IL31RA: variants seen among roughly 807,000 people sequenced by gnomAD.
IL31RA encodes the protein interleukin-31 receptor subunit alpha.
In IL31RA, 66 loss-of-function variants were observed where a neutral mutation model predicts 83.7. The observed-to-expected ratio is 0.79, with a 90% CI of 0.65 to 0.97. IL31RA has a LOEUF of 0.97. Among genes scored for constraint, IL31RA ranks in the 50% least tolerant of loss-of-function variants. IL31RA has a pLI of 0.00. For missense variants in IL31RA, 798 were observed against 919.4 expected, an observed-to-expected ratio of 0.87 and a Z score of 1.71; for synonymous variants, 325 against 329.0, an observed-to-expected ratio of 0.99 and a Z score of 0.13.
Position 55,918,932 on chromosome 5 carries a change from C to G in IL31RA, c.*1812C>G, listed in dbSNP as rs1037267258. 2.6e-5 allele frequency among the ~76,000 whole-genome samples: 4 copies of G among 152,154 alleles called. No homozygotes were observed. Among genetic ancestry groups the G allele is most frequent in the Non-Finnish European group, 5.9e-5 (4 of 68,024 alleles). ...AGGGCAATGCCCCTGTCCCGTTGTC[C>G]TGCACTCAAGTCCAGGTGTAGGAAG... On this transcript the variant is annotated 3_prime_UTR_variant, in exon 15 of 15. Transcript: ENST00000652347.
At position 55,920,837 on chromosome 5, in the gene IL31RA, G is replaced by C. The variant is rs1289278925; in HGVS notation, c.*3717G>C. ...GTCCCCTTCCCATAGCTAAGGTCGA[G>C]AGTTGGTGGCTTACACCAGTGGTCT... is the stretch of plus-strand genomic sequence containing the variant. On this transcript the variant is annotated 3_prime_UTR_variant, in exon 15 of 15. Transcript: ENST00000652347. Among the ~76,000 whole-genome samples, 1 of 152,202 alleles carries C rather than the reference G, an allele frequency of 6.6e-6. No homozygotes were observed. The highest frequency in any genetic ancestry group is 1.5e-5 in the Non-Finnish European group (1 of 68,042).
intron 2 of IL31RA, among the ~76,000 whole-genome samples, chr5:55,867,186 TG>T (rs1348216839): frequency 3.3e-5 from 2 of 61,164 alleles, no homozygotes; most frequent in East Asian, 5.3e-4. Flanking sequence ...TGTGCATGTG[TG>T]TTTGTGTGTG....
intron 3 of IL31RA, among the ~76,000 whole-genome samples, chr5:55,871,042 C>G: frequency 6.6e-6 from 1 of 152,138 alleles, no homozygotes; most frequent in Non-Finnish European, 1.5e-5. Flanking sequence ...TTTAAAAGTG[C>G]CTTATGTGTA....
intron 3 of IL31RA, among the ~76,000 whole-genome samples, chr5:55,870,692 G>A (rs1167103900): frequency 6.6e-6 from 1 of 152,204 alleles, no homozygotes; most frequent in Non-Finnish European, 1.5e-5. Flanking sequence ...GAACTCCTAG[G>A]CCACTTGCAT....
At chr5:55,896,502 C>CTCCCTTCCA (rs1323736239) in intron 7 of IL31RA, 73 bp downstream of exon 7, 43 of 950,120 alleles carry the variant, frequency 4.5e-5, no homozygotes, top group Middle Eastern at 2.9e-4. Context: ...CCTCCCTTCC[C>CTCCCTTCCA]TCCCTTCCAT....
chr5:55,908,344 G>A lies in IL31RA; in HGVS notation c.1434G>A (p.Lys478=), dbSNP rs976950147. 1 of 1,614,080 alleles carries A rather than the reference G, an allele frequency of 6.2e-7. No individual in the cohort carries two copies. Among genetic ancestry groups the A allele is most frequent in the African/African-American group, 1.3e-5 (1 of 74,926 alleles). The change falls in exon 11 of 15, where the codon AAG becomes AAA. Residue 478 remains lysine, a synonymous_variant. Transcript: ENST00000652347. ...TVTITWKEIP[K]SERKGIICNY... ...CGATCACATGGAAAGAGATTCCCAA[G>A]AGTGAGAGAAAGGGTATCATCTGCA...
chr5:55,868,654 T>G, intron 2 of IL31RA, 137 bp from the exon 3 acceptor site: 1 of 743,828 alleles, frequency 1.3e-6, no homozygotes, highest in South Asian at 1.4e-5. Flanking sequence ...ACCTGATTGC[T>G]AGGTTACACC....
chr5:55,878,135 A>G lies in IL31RA; in HGVS notation c.455-4909A>G, dbSNP rs145335585. Among the ~76,000 whole-genome samples the G allele has an allele frequency of 4.9e-3, 740 of 152,144 alleles. 21 individuals are homozygous for G. The highest frequency in any genetic ancestry group is 0.039 in the Admixed American group (596 of 15,292). ...TGCTGAACCCCTGTAGTGAATTTGT[A>G]TTTCAGGTACTGTGATTTTCAACTT... On this transcript the variant is annotated intron_variant, in intron 4 of 14. Coordinates refer to ENST00000652347, the MANE Select transcript of IL31RA (RefSeq NM_139017.7).
intron 11 of IL31RA, chr5:55,908,665 C>G: frequency 1.3e-6 from 2 of 1,518,028 alleles, no homozygotes; most frequent in South Asian, 2.5e-5. Context: ...TATAATTTGT[C>G]CTGGTTAGGC....
intron 5 of IL31RA, among the ~76,000 whole-genome samples, chr5:55,888,562 G>A (rs1341735073): frequency 6.6e-6 from 1 of 152,212 alleles, no homozygotes; most frequent in African/African-American, 2.4e-5. Context: ...AAGTAAAATA[G>A]AGGTTTATTA....
chr5:55,849,155 G>T (rs886616845), upstream of IL31RA, among the ~76,000 whole-genome samples: 1 of 151,354 alleles, frequency 6.6e-6, no homozygotes, highest in Non-Finnish European at 1.5e-5. Context: ...GCAATACAGT[G>T]CTATATCCCT....
intron 1 of IL31RA, 93 bp downstream of exon 1, chr5:55,851,726 T>C (rs1745082945): frequency 4.3e-6 from 7 of 1,611,202 alleles, no homozygotes; most frequent in Middle Eastern, 3.3e-4. Flanking sequence ...TGATTTTACC[T>C]ACCTAGTGTC....
rs1749931092 is a variant in IL31RA at position 55,918,690 on chromosome 5, A to G, written c.*1570A>G. On this transcript the variant is annotated 3_prime_UTR_variant, in exon 15 of 15. Coordinates refer to ENST00000652347, the MANE Select transcript of IL31RA (RefSeq NM_139017.7). ...TGGTCCCTCCTGTCCCTGTTGGGTC[A>G]CCTACCACTTACCTTAGCCAATTGC... Among the ~76,000 whole-genome samples the G allele has an allele frequency of 6.6e-6, 1 of 152,020 alleles. No homozygotes were observed. Among genetic ancestry groups the G allele is most frequent in the Non-Finnish European group, 1.5e-5 (1 of 68,006 alleles).
chr5:55,889,350 A>G lies in IL31RA; in HGVS notation c.607-620A>G, dbSNP rs6868255. On this transcript the variant is annotated intron_variant, in intron 5 of 14. Coordinates refer to ENST00000652347, the MANE Select transcript of IL31RA (RefSeq NM_139017.7). ...CTCTTTCCTCCCCAAGAGAGTATCA[A>G]AATTAATTTATACATTCAGGCCATT... 3.7e-3 allele frequency among the ~76,000 whole-genome samples: 558 copies of G among 152,320 alleles called. 2 individuals are homozygous for G. The highest frequency in any genetic ancestry group is 0.013 in the African/African-American group (524 of 41,568).
intron 4 of IL31RA, 48 bp from the exon 5 acceptor site, chr5:55,882,996 A>G: frequency 6.3e-7 from 1 of 1,592,622 alleles, no homozygotes; most frequent in Non-Finnish European, 8.6e-7. Flanking sequence ...CTATTAGCAA[A>G]TTCTTATCTT....
chr5:55,851,141 G>T (rs965490875), upstream of IL31RA, among the ~76,000 whole-genome samples: 1 of 151,996 alleles, frequency 6.6e-6, no homozygotes, highest in Non-Finnish European at 1.5e-5. Flanking sequence ...ATTATTCTCT[G>T]TGGGGGAAAT....
rs1338319468 is a variant in IL31RA at position 55,917,014 on chromosome 5, A to G, written c.2189A>G (p.His730Arg). The stretch of plus-strand genomic sequence containing the variant: ...TCTGGTCAAAGTTTAGTACCAGATC[A>G]TCTGTGTGAGGAAGGAGCCCCAAAT... ...LFSGQSLVPD[H>R]LCEEGAPNPY... Residue 730 changes from histidine to arginine, a missense_variant, in exon 15 of 15, where the codon CAT (histidine) becomes CGT (arginine). Coordinates refer to ENST00000652347, the MANE Select transcript of IL31RA (RefSeq NM_139017.7). 2.5e-6 allele frequency: 4 copies of G among 1,614,120 alleles called. No homozygotes were observed. In the African/African-American group the frequency reaches 5.3e-5, roughly 22 times the overall value.
rs1016571307 is a variant in IL31RA, at chr5:55,921,533, G to A, written c.*4413G>A. Among the ~76,000 whole-genome samples the A allele has an allele frequency of 6.6e-6, 1 of 152,184 alleles. No individual in the cohort carries two copies. The highest frequency in any genetic ancestry group is 2.4e-5 in the African/African-American group (1 of 41,442). Reference sequence around the variant, plus strand: ...TTTTCAAAAGTGGAATTGCTGGTCAGAATTTTATGGTTGTCACATTTTGCG... The same window carrying A: ...TTTTCAAAAGTGGAATTGCTGGTCAAAATTTTATGGTTGTCACATTTTGCG... On this transcript the variant is annotated 3_prime_UTR_variant, in exon 15 of 15. Coordinates refer to ENST00000652347, the MANE Select transcript of IL31RA (RefSeq NM_139017.7).
rs920393056 is a variant in IL31RA at position 55,922,155 on chromosome 5, G to A, written c.*5035G>A. Among the ~76,000 whole-genome samples the A allele has an allele frequency of 2.7e-5, 4 of 149,944 alleles. No individual in the cohort carries two copies. Among genetic ancestry groups the A allele is most frequent in the South Asian group, 2.1e-4 (1 of 4,720 alleles). Reference sequence around the variant, plus strand: ...GGTCAGTGGGGAGAGAGTTTGCTCCGAAGCACAAACAGCTCCAATCCATGC... The same window carrying A: ...GGTCAGTGGGGAGAGAGTTTGCTCCAAAGCACAAACAGCTCCAATCCATGC... On this transcript the variant is annotated 3_prime_UTR_variant, in exon 15 of 15. Coordinates refer to ENST00000652347, the MANE Select transcript of IL31RA (RefSeq NM_139017.7).
Sources: allele counts gnomAD v4.1 joint callset (sites outside exome capture counted in the v4.1 genomes callset), GRCh38; gene constraint gnomAD v4.1.1; transcripts MANE v1.5; gene names NCBI Gene and HGNC (gene_info 2026-07-23, HGNC 2026-07-21).